Variants in LAMP3 observed in about 807,000 individuals in gnomAD.
LAMP3 encodes lysosome associated membrane protein 3.
Under a neutral mutation model 34.8 loss-of-function variants are expected in LAMP3, and 26 were observed. The ratio of observed to expected loss-of-function variants is 0.75; its 90% CI spans 0.55 to 1.04. The LOEUF (loss-of-function observed/expected upper bound fraction) is 1.04. Among genes scored for constraint, LAMP3 ranks in the 50% least tolerant of loss-of-function variants. The pLI, the probability that LAMP3 is intolerant of heterozygous loss-of-function variation, is 0.00. For missense variants in LAMP3, 495 were observed against 524.0 expected (o/e 0.94, Z 0.54); for synonymous variants, 180 against 201.9 (o/e 0.89, Z 0.92).
At position 183,162,728 on chromosome 3, in the gene LAMP3, T is replaced by C. The variant is rs1721017036; in HGVS notation, c.-73A>G. 7.4e-7 allele frequency: 1 copy of C among 1,354,998 alleles called. No homozygotes were observed. The highest frequency in any genetic ancestry group is 9.7e-7 in the Non-Finnish European group (1 of 1,028,318). The allele number at this position is 1,354,998 out of a possible 1,614,324, so 83.9% of individuals were successfully genotyped here. A position where few individuals can be genotyped will look rare whatever the true frequency, so the allele number is the denominator to read the frequency against. ...GCCCCGAATCGGTGCCAGAGAAACC[T>C]ACCTGTGCCGGAGAAACGAAACCAC... On this transcript the variant is annotated 5_prime_UTR_variant, in exon 1 of 6. Coordinates refer to ENST00000265598, the MANE Select transcript of LAMP3 (RefSeq NM_014398.4).
chr3:183,142,623 C>A (rs969588768), intron 3 of LAMP3, among the ~76,000 whole-genome samples: 1 of 151,956 alleles, frequency 6.6e-6, no homozygotes, highest in Non-Finnish European at 1.5e-5. Flanking sequence ...GTAGGTGAGA[C>A]AAAGCAAGAT....
At chr3:183,152,538 G>T (rs1333348282) in intron 2 of LAMP3, 35 bp from the exon 3 acceptor site, 14 of 1,572,278 alleles carry the variant, frequency 8.9e-6, no homozygotes, top group Non-Finnish European at 1.1e-5. Context: ...TAAATGAGAT[G>T]TAGAGGAAAA....
At chr3:183,142,927 G>A (rs1720330176) in intron 3 of LAMP3, among the ~76,000 whole-genome samples, 1 of 152,178 alleles carries the variant, frequency 6.6e-6, no homozygotes, top group African/African-American at 2.4e-5. Flanking sequence ...GGCCACTGCT[G>A]TTCCACAAGA....
chr3:183,156,525 A>AGATC (rs921002829), intron 1 of LAMP3, among the ~76,000 whole-genome samples: 5 of 152,306 alleles, frequency 3.3e-5, no homozygotes, highest in Admixed American at 3.3e-4. Context: ...AAGGGAAAGG[A>AGATC]GATCACGCTA....
intron 3 of LAMP3, among the ~76,000 whole-genome samples, chr3:183,145,414 A>G (rs1230916846): frequency 6.6e-6 from 1 of 152,208 alleles, no homozygotes; most frequent in Non-Finnish European, 1.5e-5. Context: ...TCCATCTTAT[A>G]GAAGAGGAAC....
chr3:183,156,332 G>T lies in LAMP3; in HGVS notation c.50-1941C>A, dbSNP rs1720821404. Reference sequence around the variant, plus strand: ...GTTGAGATCATGCCATTGCACTCTAGCCTGGGCAATAAAAGCAAAACGCTG... The same window carrying T: ...GTTGAGATCATGCCATTGCACTCTATCCTGGGCAATAAAAGCAAAACGCTG... On this transcript the variant is annotated intron_variant, in intron 1 of 5. Coordinates refer to ENST00000265598, the MANE Select transcript of LAMP3 (RefSeq NM_014398.4). 2.0e-5 allele frequency among the ~76,000 whole-genome samples: 3 copies of T among 151,182 alleles called. No homozygotes were observed. The South Asian group carries it at 6.3e-4, about 32-fold the overall frequency.
chr3:183,146,992 C>G (rs1395399882), intron 3 of LAMP3, among the ~76,000 whole-genome samples: 1 of 151,954 alleles, frequency 6.6e-6, no homozygotes, highest in Non-Finnish European at 1.5e-5. Context: ...GCCTGTTATT[C>G]CAGCACTTTG....
intron 5 of LAMP3, among the ~76,000 whole-genome samples, chr3:183,131,122 G>A (rs1035097450): frequency 3.9e-5 from 6 of 152,144 alleles, no homozygotes; most frequent in African/African-American, 4.8e-5. Context: ...TACTGGGGTC[G>A]GGGGAATAGA....
rs563330249 is a variant in LAMP3, at chr3:183,138,517, T to TACAA, written c.946+2017_946+2020dup. Among the ~76,000 whole-genome samples the TACAA allele has an allele frequency of 9.2e-4, 140 of 152,300 alleles. 2 individuals are homozygous for TACAA. The highest frequency in any genetic ancestry group is 3.2e-3 in the African/African-American group (131 of 41,570). On this transcript the variant is annotated intron_variant, in intron 4 of 5. Coordinates refer to ENST00000265598, the MANE Select transcript of LAMP3 (RefSeq NM_014398.4). ...TAGTACGGTACCTGGCACAGGGGGATACAAACAAATAAAGGTTATTTAACT... is the reference window on the plus strand; with the variant it reads ...TAGTACGGTACCTGGCACAGGGGGATACAAACAAACAAATAAAGGTTATTTAACT...
In LAMP3 at chr3:183,135,884, G is replaced by C; in HGVS notation, c.950C>G (p.Thr317Arg). 1.2e-6 allele frequency: 2 copies of C among 1,612,490 alleles called. No homozygotes were observed. Among genetic ancestry groups the C allele is most frequent in the South Asian group, 1.1e-5 (1 of 91,044 alleles). The change falls in exon 5 of 6, where the codon ACA becomes AGA. Residue 317 changes from threonine (T) to arginine (R), a missense_variant. Coordinates refer to ENST00000265598, the MANE Select transcript of LAMP3 (RefSeq NM_014398.4). ...GAYLTVSDPE[T>R]IYQGIKHAVV... is the part of the protein sequence containing the mutation. ...CGCATGTTTGATTCCTTGGTAAATT[G>C]TCTCTGAAAAGGTGACAGATAGATG...
rs117133441 is a variant in LAMP3, at chr3:183,134,855, C to T, written c.1117+862G>A. ...TTTTTGATAACTGGGAAGTACTCAT[C>T]ACATTTTTTAGTTATTATGAGAGGG... On this transcript the variant is annotated intron_variant, in intron 5 of 5. Transcript: ENST00000265598. Among the ~76,000 whole-genome samples the T allele has an allele frequency of 2.0e-4, 31 of 152,336 alleles. No homozygotes were observed. In the East Asian group the frequency reaches 6.0e-3, roughly 29 times the overall value.
At chr3:183,159,591 C>A (rs551312509) in intron 1 of LAMP3, among the ~76,000 whole-genome samples, 1 of 152,208 alleles carries the variant, frequency 6.6e-6, no homozygotes, top group Non-Finnish European at 1.5e-5. Context: ...GCAGAAGCAG[C>A]CCCAGCAGGG....
At chr3:183,143,286 A>T (rs963719231) in intron 3 of LAMP3, among the ~76,000 whole-genome samples, 13 of 152,208 alleles carry the variant, frequency 8.5e-5, no homozygotes, top group East Asian at 7.7e-4. Flanking sequence ...TTTAAAAAAA[A>T]TTTTTTTATA....
chr3:183,126,432 CAA>C (rs1185359817), intron 5 of LAMP3, among the ~76,000 whole-genome samples: 6 of 151,986 alleles, frequency 3.9e-5, no homozygotes, highest in African/African-American at 9.7e-5. Context: ...TTCTAAAATG[CAA>C]AAGAGTACAC....
At chr3:183,136,068 G>T (rs890839538) in intron 4 of LAMP3, among the ~76,000 whole-genome samples, 181 bp from the exon 5 acceptor site, 2 of 152,138 alleles carry the variant, frequency 1.3e-5, no homozygotes, top group African/African-American at 4.8e-5. Context: ...TTTTTCAGCT[G>T]CTCTGTTTGG....
At chr3:183,126,735 A>G (rs1270367169) in intron 5 of LAMP3, among the ~76,000 whole-genome samples, 3 of 152,242 alleles carry the variant, frequency 2.0e-5, no homozygotes, top group Non-Finnish European at 2.9e-5. Context: ...GCTAATATGG[A>G]GAAACATTAT....
In LAMP3 at chr3:183,153,667, G is replaced by A; in HGVS notation, c.759+15C>T. On this transcript the variant is annotated intron_variant, in intron 2 of 5. Coordinates refer to ENST00000265598, the MANE Select transcript of LAMP3 (RefSeq NM_014398.4). ...TTTTTGAAGATAGTGTTATAGTCCT[G>A]TGGCCCCAACTTACCGACTCCTTGT... 6.7e-7 allele frequency: 1 copy of A among 1,495,654 alleles called. No homozygotes were observed. Among genetic ancestry groups the A allele is most frequent in the Non-Finnish European group, 9.0e-7 (1 of 1,115,844 alleles). The allele number at this position is 1,495,654 out of a possible 1,614,324, so 92.6% of individuals were successfully genotyped here. A position where few individuals can be genotyped will look rare whatever the true frequency, so the allele number is the denominator to read the frequency against.
chr3:183,147,615 ATT>A lies in LAMP3; in HGVS notation c.888+4758_888+4759del, dbSNP rs56320018. Reference sequence around the variant, plus strand: ...AGGACTGCTTGTTTCAATGAAAACAATTTTTTTTTTTTTACTAGCTTGCTTTG... The same window carrying A: ...AGGACTGCTTGTTTCAATGAAAACAATTTTTTTTTTTACTAGCTTGCTTTG... On this transcript the variant is annotated intron_variant, in intron 3 of 5. Transcript: ENST00000265598. 1.3e-3 allele frequency among the ~76,000 whole-genome samples: 199 copies of A among 150,288 alleles called. 1 individual carries two copies. The highest frequency in any genetic ancestry group is 6.8e-3 in the East Asian group (35 of 5,122).
rs1490273233 is a variant in LAMP3 at position 183,135,837 on chromosome 3, C to A, written c.997G>T (p.Val333Phe). 2 of 1,613,910 alleles carry A rather than the reference C, an allele frequency of 1.2e-6. No individual in the cohort carries two copies. Among genetic ancestry groups the A allele is most frequent in the Admixed American group, 1.7e-5 (1 of 60,014 alleles). ...KHAVVMFQTA[V>F]GHSFKCVSEQ... Reference sequence around the variant, plus strand: ...CTCACGCACTTGAAGGAATGCCCGACTGCTGTCTGGAACATCACCACCGCA... The same window carrying A: ...CTCACGCACTTGAAGGAATGCCCGAATGCTGTCTGGAACATCACCACCGCA... Residue 333 changes from valine to phenylalanine, a missense_variant, in exon 5 of 6, where the codon GTC becomes TTC. Transcript: ENST00000265598.
Sources: allele counts gnomAD v4.1 joint callset (sites outside exome capture counted in the v4.1 genomes callset), GRCh38; gene constraint gnomAD v4.1.1; transcripts MANE v1.5; gene names NCBI Gene and HGNC (gene_info 2026-07-23, HGNC 2026-07-21).